The following ANKRD11 variants were observed in gnomAD, a reference collection of about 807,000 sequenced individuals.
ANKRD11 encodes ankyrin repeat domain 11.
Under a neutral mutation model 195.7 loss-of-function variants are expected in ANKRD11, and 17 were observed. The observed-to-expected ratio is 0.09, with a 90% CI of 0.06 to 0.13. ANKRD11 has a LOEUF of 0.13. ANKRD11 is among the 10% of genes least tolerant of loss of function. ANKRD11 has a pLI of 1.00. For missense variants in ANKRD11, 3,735 were observed against 3,566.1 expected (o/e 1.05, Z -1.21); for synonymous variants, 1,953 against 1,528.1 (o/e 1.28, Z -6.49).
At chr16:89,366,480 G>C (rs188535697) in intron 2 of ANKRD11, among the ~76,000 whole-genome samples, 1 of 152,188 alleles carries the variant, frequency 6.6e-6, no homozygotes, top group African/African-American at 2.4e-5. Flanking sequence ...CCACAGACTC[G>C]CCAGCATCTG....
At chr16:89,269,754 C>T (rs2032973337) in intron 12 of ANKRD11, among the ~76,000 whole-genome samples, 1 of 152,000 alleles carries the variant, frequency 6.6e-6, no homozygotes, top group African/African-American at 2.4e-5. Context: ...CACCACCATG[C>T]CCAGCTAATT....
intron 1 of ANKRD11, among the ~76,000 whole-genome samples, chr16:89,432,623 C>T (rs1041735453): frequency 1.2e-4 from 18 of 152,074 alleles, no homozygotes; most frequent in African/African-American, 4.1e-4. Flanking sequence ...AAATTCTCTA[C>T]GGAGATATGT....
At position 89,267,834 on chromosome 16, in the gene ANKRD11, C is replaced by T. The variant is rs1567530838; in HGVS notation, c.*644G>A. 6.6e-6 allele frequency: 1 copy of T among 152,514 alleles called. No homozygotes were observed. Among genetic ancestry groups the T allele is most frequent in the Admixed American group, 6.5e-5 (1 of 15,268 alleles). 9.4% of individuals were successfully genotyped at this position (152,514 alleles called of 1,614,324 possible). On this transcript the variant is annotated 3_prime_UTR_variant, in exon 13 of 13. Transcript: ENST00000301030. ...GCTCTGTAGTGTTTCAAGTTACGTTCTCAGAAAGAGAAACAAAATGCCCAA... is the reference window on the plus strand; with the variant it reads ...GCTCTGTAGTGTTTCAAGTTACGTTTTCAGAAAGAGAAACAAAATGCCCAA...
At chr16:89,431,062 G>A (rs909686391) in intron 1 of ANKRD11, among the ~76,000 whole-genome samples, 1 of 152,040 alleles carries the variant, frequency 6.6e-6, no homozygotes, top group African/African-American at 2.4e-5. Context: ...GAAGCCTAGG[G>A]TTAACATCTG....
intron 4 of ANKRD11, among the ~76,000 whole-genome samples, chr16:89,294,557 G>A (rs3114917): frequency 0.61 from 93,351 of 151,952 alleles, 29,447 homozygotes; most frequent in Middle Eastern, 0.7. Flanking sequence ...TGAGACACTG[G>A]CCACTCCAGT....
intron 1 of ANKRD11, among the ~76,000 whole-genome samples, chr16:89,438,775 G>A (rs142397121): frequency 4.1e-4 from 63 of 152,212 alleles, no homozygotes; most frequent in African/African-American, 1.5e-3. Flanking sequence ...GGAGGCCGAG[G>A]TGGGAGGACT....
chr16:89,422,934 G>T (rs1007982240), intron 1 of ANKRD11, among the ~76,000 whole-genome samples: 9 of 151,888 alleles, frequency 5.9e-5, no homozygotes, highest in African/African-American at 2.2e-4. Context: ...TCAATCAGGA[G>T]ATCTACAACT....
chr16:89,485,789 T>C (rs1305789571), intron 1 of ANKRD11, among the ~76,000 whole-genome samples: 1 of 152,200 alleles, frequency 6.6e-6, no homozygotes, highest in African/African-American at 2.4e-5. Context: ...TTTTTCTTCA[T>C]TAAAATGCTA....
At chr16:89,315,738 C>T (rs1030753928) in intron 3 of ANKRD11, among the ~76,000 whole-genome samples, 4 of 152,330 alleles carry the variant, frequency 2.6e-5, no homozygotes, top group Non-Finnish European at 2.9e-5. Context: ...AGCACCTGCA[C>T]GTGTCCGTAT....
At chr16:89,290,173 C>A (rs937324802) in intron 6 of ANKRD11, among the ~76,000 whole-genome samples, 3 of 152,248 alleles carry the variant, frequency 2.0e-5, no homozygotes, top group South Asian at 2.1e-4. Flanking sequence ...CAGACGCGCA[C>A]CCCACGAGGC....
intron 2 of ANKRD11, among the ~76,000 whole-genome samples, chr16:89,379,831 C>T (rs367780678): frequency 1.2e-4 from 19 of 152,286 alleles, no homozygotes; most frequent in African/African-American, 3.6e-4. Context: ...GAAGAGTATA[C>T]ATAATAATTT....
chr16:89,426,747 G>C (rs1265374353), intron 1 of ANKRD11, among the ~76,000 whole-genome samples: 3 of 152,192 alleles, frequency 2.0e-5, no homozygotes, highest in Non-Finnish European at 2.9e-5. Context: ...TACTTGTCTT[G>C]AGCTCACTGT....
rs558841836 is a variant in ANKRD11, at chr16:89,283,701, G to A, written c.2841C>T (p.Ala947=). ...KDKKRRESAE[A]GRDRKDALES... is the part of the protein sequence containing the mutation. ...CCAGGGCGTCCTTTCTGTCCCGCCC[G>A]GCCTCTGCGGACTCTCTCCTCTTCT... Residue 947 remains alanine, a synonymous_variant, in exon 9 of 13, where the codon GCC becomes GCT. Coordinates refer to ENST00000301030, the MANE Select transcript of ANKRD11 (RefSeq NM_013275.6). This position sits in a 1 kb window ranked among gnomAD's most constrained non-coding sequence, Gnocchi z 4.3. 43 of 1,613,368 alleles carry A rather than the reference G, an allele frequency of 2.7e-5. No individual in the cohort carries two copies. In the East Asian group the frequency reaches 4.9e-4, roughly 18 times the overall value.
intron 2 of ANKRD11, among the ~76,000 whole-genome samples, chr16:89,345,895 G>A (rs1343125699): frequency 6.6e-6 from 1 of 152,142 alleles, no homozygotes; most frequent in Non-Finnish European, 1.5e-5. Flanking sequence ...TTTCACAAGA[G>A]AGCTAAGACG....
At chr16:89,409,377 G>A (rs2042031233) in intron 2 of ANKRD11, among the ~76,000 whole-genome samples, 1 of 152,232 alleles carries the variant, frequency 6.6e-6, no homozygotes, top group Non-Finnish European at 1.5e-5. Context: ...GGGGTGGGAA[G>A]GCGGTCCCCA....
At chr16:89,435,108 A>G (rs2152278958) in intron 1 of ANKRD11, among the ~76,000 whole-genome samples, 2 of 152,340 alleles carry the variant, frequency 1.3e-5, no homozygotes, top group South Asian at 4.1e-4. Flanking sequence ...TGCACCAATC[A>G]GCACTCTGTA....
intron 2 of ANKRD11, among the ~76,000 whole-genome samples, chr16:89,381,376 A>G (rs2152106098): frequency 6.6e-6 from 1 of 150,410 alleles, no homozygotes; most frequent in South Asian, 2.1e-4. Flanking sequence ...GGCAAGCAAG[A>G]GTTCAGACTA....
intron 1 of ANKRD11, among the ~76,000 whole-genome samples, chr16:89,482,799 G>A (rs2057486442): frequency 6.6e-6 from 1 of 152,164 alleles, no homozygotes. Context: ...CAAAAAAGCG[G>A]GTGGGCAGCA....
chr16:89,282,991 C>T lies in ANKRD11; in HGVS notation c.3551G>A (p.Arg1184Lys), dbSNP rs1292995095. ...ERQKDKEPRDRRKDRGAADAG... is the reference protein window; with the variant it reads ...ERQKDKEPRDKRKDRGAADAG... ...GTCGGCAGCCCCTCGGTCCTTTCTC[C>T]TGTCTCTGGGCTCCTTGTCCTTCTG... The change falls in exon 9 of 13, where the codon AGG (arginine) becomes AAG (lysine). Residue 1184 changes from arginine to lysine, a missense_variant. Transcript: ENST00000301030. 1 of 1,613,762 alleles carries T rather than the reference C, an allele frequency of 6.2e-7. No homozygotes were observed. The highest frequency in any genetic ancestry group is 1.1e-5 in the South Asian group (1 of 91,072).
Sources: allele counts gnomAD v4.1 joint callset (sites outside exome capture counted in the v4.1 genomes callset), GRCh38; gene constraint gnomAD v4.1.1; non-coding constraint Gnocchi (gnomAD v3.1); transcripts MANE v1.5; gene names NCBI Gene and HGNC (gene_info 2026-07-23, HGNC 2026-07-21).